Variants in C10orf105 observed in about 807,000 individuals in gnomAD.
C10orf105 encodes the protein uncharacterized protein C10orf105.
In C10orf105, 2 loss-of-function variants were observed where a neutral mutation model predicts 0.6. The observed-to-expected ratio is 3.18, with a 90% CI of 1.30 to 10.01. The LOEUF is 10.01. Ranked by LOEUF, C10orf105 falls within the 30% of genes most tolerant of loss-of-function variation. C10orf105 has a pLI of 0.04. For missense variants in C10orf105, 209 were observed against 191.4 expected, an observed-to-expected ratio of 1.09 and a Z score of -0.54; for synonymous variants, 95 against 82.4, an observed-to-expected ratio of 1.15 and a Z score of -0.83.
rs1468396200 is a variant in C10orf105, at chr10:71,716,232, G to A, written c.106C>T (p.Leu36Phe). Residue 36 changes from leucine (L) to phenylalanine (F), a missense_variant, in exon 2 of 2, where the codon CTC (leucine) becomes TTC (phenylalanine). Transcript: ENST00000441508. ...PGTLAEATDP[L>F]PMLIALACIF... ...CAGGCCAGGGCGATGAGCATGGGGAGGGGGTCAGTTGCCTCTGCAAGGGTC... is the reference window on the plus strand; with the variant it reads ...CAGGCCAGGGCGATGAGCATGGGGAAGGGGTCAGTTGCCTCTGCAAGGGTC... 4 of 1,550,440 alleles carry A rather than the reference G, an allele frequency of 2.6e-6. No homozygotes were observed. The highest frequency in any genetic ancestry group is 2.0e-5 in the Admixed American group (1 of 50,872).
intron 1 of C10orf105, among the ~76,000 whole-genome samples, chr10:71,736,815 G>A (rs2132837950): frequency 6.6e-6 from 1 of 152,342 alleles, no homozygotes; most frequent in East Asian, 1.9e-4. Context: ...GTGAGGGAAA[G>A]ACATTGATCA....
chr10:71,731,914 G>T, intron 1 of C10orf105: 1 of 1,512,548 alleles, frequency 6.6e-7, no homozygotes, highest in Non-Finnish European at 8.9e-7. Context: ...TATGGGTGTG[G>T]CAGCTTGAGA....
rs768842900 is a variant in C10orf105 at position 71,734,346 on chromosome 10, G to A, written c.-6+3382C>T. 24 of 1,603,092 alleles carry A rather than the reference G, an allele frequency of 1.5e-5. No homozygotes were observed. The South Asian group carries it at 2.2e-4, about 15-fold the overall frequency. On this transcript the variant is annotated intron_variant, in intron 1 of 1. Transcript: ENST00000398786. ...CCCAAGGTGGACTCCACCGTGGTGA[G>A]TGGGACCAGGGTGAGAGTCCCTCAG...
chr10:71,715,983 C>T lies in C10orf105; in HGVS notation c.355G>A (p.Glu119Lys), dbSNP rs762461206. 5.4e-6 allele frequency: 8 copies of T among 1,491,318 alleles called. No homozygotes were observed. The highest frequency in any genetic ancestry group is 2.8e-5 in the African/African-American group (2 of 70,768). 92.4% of individuals were successfully genotyped at this position (1,491,318 alleles called of 1,614,324 possible). ...TAGTCACAGTGGCTGCGGTTGTCCT[C>T]GGGGCCCGGCAGGGGCTGTCGAGGG... ...TVPRQPLPGP[E>K]DNRSHCDYME... Residue 119 changes from glutamate to lysine, a missense_variant, in exon 2 of 2, where the codon GAG (glutamate) becomes AAG (lysine). Coordinates refer to ENST00000441508, the MANE Select transcript of C10orf105 (RefSeq NM_001164375.3).
chr10:71,732,575 GTGAGCTGCGTT>G lies in C10orf105; in HGVS notation c.-6+5142_-6+5152del, dbSNP rs994587711. ...TCAGCTCAGGAGTTTGGAGGCTGCAGTGAGCTGCGTTTGCACCACTGCACTCCAGCCCGGGC... is the reference window on the plus strand; with the variant it reads ...TCAGCTCAGGAGTTTGGAGGCTGCAGTGCACCACTGCACTCCAGCCCGGGC... On this transcript the variant is annotated intron_variant, in intron 1 of 1. Coordinates refer to the C10orf105 transcript ENST00000398786. 5.5e-5 allele frequency: 73 copies of G among 1,324,754 alleles called. No homozygotes were observed. The African/African-American group carries it at 8.9e-4, about 16-fold the overall frequency. 82.1% of individuals were successfully genotyped at this position (1,324,754 alleles called of 1,614,324 possible). A position where few individuals can be genotyped will look rare whatever the true frequency, so the allele number is the denominator to read the frequency against.
At chr10:71,729,812 T>G (rs768443654) in intron 1 of C10orf105, among the ~76,000 whole-genome samples, 1 of 152,210 alleles carries the variant, frequency 6.6e-6, no homozygotes, top group East Asian at 1.9e-4. Context: ...AGGAGTGGCA[T>G]GGAGTGTGAA....
intron 1 of C10orf105, chr10:71,732,539 G>A: frequency 7.6e-7 from 1 of 1,320,222 alleles, no homozygotes; most frequent in Non-Finnish European, 1.0e-6. Flanking sequence ...GGCTGGGGCA[G>A]GAAGATTGCT....
At chr10:71,731,836 C>A in intron 1 of C10orf105, 3 of 738,906 alleles carry the variant, frequency 4.1e-6, no homozygotes, top group South Asian at 1.8e-5. Flanking sequence ...ACATCCTCTG[C>A]TGCATCTCTG....
chr10:71,722,370 C>T (rs1000205935), upstream of C10orf105, among the ~76,000 whole-genome samples: 4 of 152,188 alleles, frequency 2.6e-5, no homozygotes, highest in Admixed American at 1.3e-4. Flanking sequence ...AAACAGGGAG[C>T]GAGGCACAGA....
intron 1 of C10orf105, among the ~76,000 whole-genome samples, chr10:71,731,830 C>T (rs1839398410): frequency 6.6e-6 from 1 of 152,198 alleles, no homozygotes; most frequent in African/African-American, 2.4e-5. Context: ...CTTAACACAT[C>T]CTCTGCTGCA....
chr10:71,725,422 C>A lies in C10orf105; in HGVS notation c.-5-9080G>T. The A allele has an allele frequency of 6.2e-7, 1 of 1,614,012 alleles. No homozygotes were observed. Among genetic ancestry groups the A allele is most frequent in the Non-Finnish European group, 8.5e-7 (1 of 1,179,888 alleles). ...CCATGTCAGCAATGGGCTCCTGATG[C>A]GAGGGCCCCGGCCCCTGGACCGGGA... On this transcript the variant is annotated intron_variant, in intron 1 of 1. Coordinates refer to the C10orf105 transcript ENST00000398786.
chr10:71,732,812 C>T, intron 1 of C10orf105: 1 of 680,610 alleles, frequency 1.5e-6, no homozygotes, highest in South Asian at 5.2e-5. Flanking sequence ...TGGGGTTTTC[C>T]CCCATTATCG....
At chr10:71,721,075 C>T (rs184379302), upstream of C10orf105, among the ~76,000 whole-genome samples, 314 of 152,356 alleles carry the variant, frequency 2.1e-3, no homozygotes, top group Non-Finnish European at 3.5e-3. Context: ...GCCCCCATTC[C>T]TCCTGAGATG....
rs1300831560 is a variant in C10orf105 at position 71,712,906 on chromosome 10, C to A, written c.*3030G>T. 6.1e-6 allele frequency: 9 copies of A among 1,466,368 alleles called. No homozygotes were observed. The highest frequency in any genetic ancestry group is 8.4e-6 in the Non-Finnish European group (9 of 1,069,012). 90.8% of individuals were successfully genotyped at this position (1,466,368 alleles called of 1,614,324 possible). A position where few individuals can be genotyped will look rare whatever the true frequency, so the allele number is the denominator to read the frequency against. On this transcript the variant is annotated 3_prime_UTR_variant, in exon 2 of 2. Transcript: ENST00000441508. Reference sequence around the variant, plus strand: ...GGCACATGCTCAGTGGCACCAGAGGCGGAAGCAGGTGGGGGCCCAGGGTGG... The same window carrying A: ...GGCACATGCTCAGTGGCACCAGAGGAGGAAGCAGGTGGGGGCCCAGGGTGG...
chr10:71,737,822 G>A (rs557562829), exon 1 of C10orf105: 92 of 466,968 alleles, frequency 2.0e-4, no homozygotes, highest in Non-Finnish European at 3.2e-4. Flanking sequence ...CAAGAAGCCC[G>A]AGCCACAGAC....
Position 71,715,767 on chromosome 10 carries a change from T to C in C10orf105, c.*169A>G. ...GAGGAAGGTGCTCTTCTGAGGATCA[T>C]CTTTGGGAAAGGGCGCTGGCCTGGG... On this transcript the variant is annotated 3_prime_UTR_variant, in exon 2 of 2. Transcript: ENST00000441508. 1 of 554,428 alleles carries C rather than the reference T, an allele frequency of 1.8e-6. No homozygotes were observed. The highest frequency in any genetic ancestry group is 3.0e-6 in the Non-Finnish European group (1 of 331,740). The allele number at this position is 554,428 out of a possible 1,614,324, so 34.3% of individuals were successfully genotyped here. A position where few individuals can be genotyped will look rare whatever the true frequency, so the allele number is the denominator to read the frequency against.
chr10:71,731,588 C>A (rs2132823325), intron 1 of C10orf105, among the ~76,000 whole-genome samples: 1 of 152,212 alleles, frequency 6.6e-6, no homozygotes, highest in East Asian at 1.9e-4. Context: ...TCGAAGGGAC[C>A]AAACCAAGGC....
chr10:71,730,563 G>C, intron 1 of C10orf105: 2 of 1,613,958 alleles, frequency 1.2e-6, no homozygotes, highest in Non-Finnish European at 1.7e-6. Context: ...GCAGGCATTG[G>C]AACGTCAGTC....
At chr10:71,725,010 G>A (rs139549269) in intron 1 of C10orf105, among the ~76,000 whole-genome samples, 1 of 152,196 alleles carries the variant, frequency 6.6e-6, no homozygotes, top group Non-Finnish European at 1.5e-5. Context: ...GAGTGCCCCA[G>A]GTTCTTCTGA....
Sources: allele counts gnomAD v4.1 joint callset (sites outside exome capture counted in the v4.1 genomes callset), GRCh38; gene constraint gnomAD v4.1.1; transcripts MANE v1.5; gene names NCBI Gene and HGNC (gene_info 2026-07-23, HGNC 2026-07-21).